PRR5L: variants seen among roughly 807,000 people sequenced by gnomAD.
PRR5L encodes proline-rich protein 5-like.
PRR5L carries 21 observed loss-of-function variants against 36.4 expected under a neutral mutation model. The observed-to-expected ratio is 0.58, with a 90% confidence interval of 0.41 to 0.83. PRR5L has a LOEUF of 0.83. Ranked by LOEUF, PRR5L falls within the 40% of genes least tolerant of loss-of-function variation. The pLI is 0.00. For missense variants in PRR5L, 381 were observed against 473.3 expected, an observed-to-expected ratio of 0.80 and a Z score of 1.81; for synonymous variants, 188 against 197.0, an observed-to-expected ratio of 0.95 and a Z score of 0.38.
chr11:36,396,901 T>G (rs1479286917), intron 1 of PRR5L, among the ~76,000 whole-genome samples: 1 of 152,164 alleles, frequency 6.6e-6, no homozygotes, highest in Non-Finnish European at 1.5e-5. Context: ...GATAGGAAAT[T>G]TAGTTCCTAA....
intron 1 of PRR5L, among the ~76,000 whole-genome samples, chr11:36,331,629 A>G (rs374882042): frequency 3.0e-4 from 46 of 152,356 alleles, no homozygotes; most frequent in African/African-American, 1.0e-3. Context: ...TTAAGAGAGA[A>G]TGGCAAACTC....
chr11:36,331,630 T>C (rs74725363), intron 1 of PRR5L, among the ~76,000 whole-genome samples: 14,631 of 152,240 alleles, frequency 0.096, 1,290 homozygotes, highest in African/African-American at 0.24. Context: ...TAAGAGAGAA[T>C]GGCAAACTCT....
intron 8 of PRR5L, among the ~76,000 whole-genome samples, chr11:36,458,489 C>T (rs1041620126): frequency 3.9e-5 from 6 of 152,214 alleles, no homozygotes; most frequent in Non-Finnish European, 7.3e-5. Context: ...TTATTGTCAC[C>T]ACCAAATAGG....
At chr11:36,316,094 C>A (rs962976665) in intron 1 of PRR5L, among the ~76,000 whole-genome samples, 2 of 152,200 alleles carry the variant, frequency 1.3e-5, no homozygotes, top group African/African-American at 4.8e-5. Context: ...TAGTCTAGGA[C>A]AGGAATCAGC....
At chr11:36,311,025 C>T (rs988733235) in intron 1 of PRR5L, among the ~76,000 whole-genome samples, 4 of 149,068 alleles carry the variant, frequency 2.7e-5, no homozygotes, top group African/African-American at 1.0e-4. Context: ...AAGAATGTTC[C>T]CAGGAATATC....
intron 1 of PRR5L, among the ~76,000 whole-genome samples, chr11:36,383,108 T>C (rs1020415593): frequency 3.9e-5 from 6 of 152,114 alleles, no homozygotes; most frequent in African/African-American, 1.4e-4. Flanking sequence ...ACTTCTAAAA[T>C]AGGAATAATA....
chr11:36,428,999 C>T (rs1169636689), intron 4 of PRR5L, among the ~76,000 whole-genome samples: 1 of 152,074 alleles, frequency 6.6e-6, no homozygotes, highest in African/African-American at 2.4e-5. Flanking sequence ...AGAGTATTTT[C>T]TTTATCATTT....
intron 8 of PRR5L, chr11:36,455,513 G>C (rs939158047): frequency 6.5e-6 from 1 of 153,040 alleles, no homozygotes; most frequent in African/African-American, 2.4e-5. Context: ...GGAGGAGGCA[G>C]AGGTGGCCTG....
intron 1 of PRR5L, among the ~76,000 whole-genome samples, chr11:36,333,184 T>TA (rs1856736194): frequency 6.6e-6 from 1 of 152,204 alleles, no homozygotes; most frequent in South Asian, 2.1e-4. Flanking sequence ...AAAATCCAGG[T>TA]AGCCTATTGA....
intron 1 of PRR5L, among the ~76,000 whole-genome samples, chr11:36,352,658 T>C (rs1213052080): frequency 6.6e-6 from 1 of 152,158 alleles, no homozygotes; most frequent in Non-Finnish European, 1.5e-5. Context: ...TTCCCCTGTT[T>C]CTTCTATTCA....
At chr11:36,453,135 T>C (rs950084034) in intron 8 of PRR5L, among the ~76,000 whole-genome samples, 1 of 152,116 alleles carries the variant, frequency 6.6e-6, no homozygotes, top group African/African-American at 2.4e-5. Context: ...CTGATAAGGG[T>C]CTAAAATTGT....
At chr11:36,304,266 C>A (rs771089651) in intron 1 of PRR5L, among the ~76,000 whole-genome samples, 41 of 152,166 alleles carry the variant, frequency 2.7e-4, no homozygotes, top group Non-Finnish European at 4.9e-4. Flanking sequence ...TATGTTCCTG[C>A]CTTTCATTCC....
intron 8 of PRR5L, among the ~76,000 whole-genome samples, chr11:36,452,748 A>T (rs1221924592): frequency 6.6e-6 from 1 of 152,204 alleles, no homozygotes; most frequent in African/African-American, 2.4e-5. Context: ...CATGGCAGGA[A>T]CGCTACCATT....
intron 1 of PRR5L, among the ~76,000 whole-genome samples, chr11:36,303,103 A>C (rs991269973): frequency 2.0e-5 from 3 of 152,176 alleles, no homozygotes; most frequent in African/African-American, 4.8e-5. Flanking sequence ...CTGTGTGGAG[A>C]AGGAAGTGGA....
At chr11:36,353,989 T>G (rs57088089) in intron 1 of PRR5L, among the ~76,000 whole-genome samples, 17,548 of 152,108 alleles carry the variant, frequency 0.12, 1,041 homozygotes, top group Non-Finnish European at 0.13. Context: ...AGACAAAGAA[T>G]CAATAGTCAG....
chr11:36,455,912 C>G (rs1859047989), intron 8 of PRR5L, among the ~76,000 whole-genome samples: 1 of 152,182 alleles, frequency 6.6e-6, no homozygotes, highest in Non-Finnish European at 1.5e-5. Context: ...CCTTGCGGTC[C>G]CTGTGGTCCT....
At chr11:36,340,823 T>G (rs1383093530) in intron 1 of PRR5L, among the ~76,000 whole-genome samples, 1 of 152,176 alleles carries the variant, frequency 6.6e-6, no homozygotes, top group Non-Finnish European at 1.5e-5. Flanking sequence ...TGTTTTTCTT[T>G]ATTGCTCTAA....
intron 4 of PRR5L, among the ~76,000 whole-genome samples, chr11:36,424,825 T>C (rs570667705): frequency 6.6e-6 from 1 of 151,526 alleles, no homozygotes; most frequent in East Asian, 1.9e-4. Context: ...CCAAGTGATC[T>C]GTTTTTTTTT....
intron 1 of PRR5L, among the ~76,000 whole-genome samples, chr11:36,367,920 C>T (rs534131779): frequency 6.6e-6 from 1 of 151,280 alleles, no homozygotes; most frequent in African/African-American, 2.4e-5. Context: ...TGAGGATGAC[C>T]AGCCGTGGGT....
Sources: gnomAD v4.1 joint callset for allele counts (sites outside exome capture counted in the v4.1 genomes callset) on GRCh38, gnomAD v4.1.1 for gene constraint, MANE v1.5 for transcripts, NCBI Gene and HGNC (gene_info 2026-07-23, HGNC 2026-07-21) for gene names.